The following PAM variants were observed in gnomAD, a reference collection of about 807,000 sequenced individuals.
PAM encodes the protein peptidyl-glycine alpha-amidating monooxygenase.
In PAM, 72 loss-of-function variants were observed where a neutral mutation model predicts 122.1. The ratio of observed to expected loss-of-function variants is 0.59; its 90% CI spans 0.49 to 0.72. The LOEUF (loss-of-function observed/expected upper bound fraction) is 0.72. PAM is among the 30% of genes least tolerant of loss of function. The pLI is 0.00. For missense variants in PAM, 1,106 were observed against 1,183.7 expected, an observed-to-expected ratio of 0.93 and a Z score of 0.96; for synonymous variants, 389 against 404.4, an observed-to-expected ratio of 0.96 and a Z score of 0.46.
At chr5:102,787,150 A>G (rs1476634526) in intron 1 of PAM, among the ~76,000 whole-genome samples, 1 of 152,106 alleles carries the variant, frequency 6.6e-6, no homozygotes, top group Non-Finnish European at 1.5e-5. Context: ...TTAGCATTTT[A>G]TTTATCCTCC....
chr5:102,769,541 A>G (rs566211363), intron 1 of PAM, among the ~76,000 whole-genome samples: 3 of 152,084 alleles, frequency 2.0e-5, no homozygotes, highest in Non-Finnish European at 4.4e-5. Context: ...ATGGTAAGAG[A>G]TACGGGTCTA....
intron 1 of PAM, among the ~76,000 whole-genome samples, chr5:102,820,517 T>C (rs947001141): frequency 6.6e-6 from 1 of 152,280 alleles, no homozygotes; most frequent in Admixed American, 6.5e-5. Context: ...TAGAAAAAGA[T>C]ACATTTAAGA....
At position 102,974,111 on chromosome 5, in the gene PAM, C is replaced by T. The variant is rs528682718; in HGVS notation, c.1163-5C>T. The T allele has an allele frequency of 2.2e-4, 352 of 1,601,384 alleles. 4 individuals are homozygous for T. In the South Asian group the frequency reaches 3.8e-3, roughly 17 times the overall value. ...ACGCCCTTATCTCTTCTCTTTTTTC[C>T]ACAGGTGATTTCTATTCACTACTTT... On this transcript the variant is annotated splice_polypyrimidine_tract_variant and splice_region_variant and intron_variant, in intron 14 of 25. Transcript: ENST00000438793.
At chr5:102,994,162 C>T (rs1454795326) in intron 16 of PAM, among the ~76,000 whole-genome samples, 1 of 152,108 alleles carries the variant, frequency 6.6e-6, no homozygotes, top group African/African-American at 2.4e-5. Flanking sequence ...ATCTCTTCTA[C>T]AGCAACTTCA....
chr5:103,009,899 C>A, intron 21 of PAM, 33 bp downstream of exon 21: 1 of 1,136,502 alleles, frequency 8.8e-7, no homozygotes, highest in South Asian at 1.5e-5. Context: ...TTTCAATTTT[C>A]ATGAGAAGAA....
At chr5:102,836,188 G>A (rs73189059) in intron 1 of PAM, among the ~76,000 whole-genome samples, 2,203 of 152,220 alleles carry the variant, frequency 0.014, 43 homozygotes, top group African/African-American at 0.051. Flanking sequence ...AAATATGACT[G>A]TTGAAATGAT....
At chr5:102,756,973 T>C (rs1750584990) in intron 1 of PAM, among the ~76,000 whole-genome samples, 1 of 152,194 alleles carries the variant, frequency 6.6e-6, no homozygotes. Flanking sequence ...ATGAACAGTC[T>C]TCTAATGACT....
rs574829867 is a variant in PAM at position 103,024,474 on chromosome 5, T to C, written c.2486-657T>C. Among the ~76,000 whole-genome samples, 232 of 152,276 alleles carry C rather than the reference T, an allele frequency of 1.5e-3. 1 individual carries two copies. The highest frequency in any genetic ancestry group is 2.4e-3 in the Non-Finnish European group (161 of 68,000). ...TACTCACATTTTGCTGAAAACAATA[T>C]AAAAGAGCCTGAAAAGCACATAGTT... On this transcript the variant is annotated intron_variant, in intron 23 of 25. Coordinates refer to ENST00000438793, the MANE Select transcript of PAM (RefSeq NM_001177306.2).
At position 103,025,314 on chromosome 5, in the gene PAM, A is replaced by G. The variant is rs765285558; in HGVS notation, c.2669A>G (p.Lys890Arg). 1.9e-6 allele frequency: 3 copies of G among 1,613,526 alleles called. No individual in the cohort carries two copies. The highest frequency in any genetic ancestry group is 2.7e-5 in the African/African-American group (2 of 74,878). ...GCCATTGCCATATTTATTCGGTGGA[A>G]AAAATCAAGGGCCTTTGGAGGCAAG... The part of the protein sequence containing the change: ...LLAIAIFIRW[K>R]KSRAFGDSEH... Residue 890 changes from lysine to arginine, a missense_variant, in exon 24 of 26, where the codon AAA becomes AGA. Physicochemically the swap from Lys to Arg is conservative, Grantham distance 26. Around this residue, in one of 3 missense-constraint regions of PAM, gnomAD observed 333 missense variants for 335.6 expected, o/e 0.99. Coordinates refer to ENST00000438793, the MANE Select transcript of PAM (RefSeq NM_001177306.2).
intron 5 of PAM, among the ~76,000 whole-genome samples, chr5:102,921,071 A>G (rs1030725919): frequency 1.2e-4 from 18 of 152,144 alleles, no homozygotes; most frequent in African/African-American, 4.3e-4. Context: ...TTTATTTTCA[A>G]ATGTTAATTC....
intron 1 of PAM, among the ~76,000 whole-genome samples, chr5:102,853,652 C>CAAT: frequency 6.6e-6 from 1 of 152,170 alleles, no homozygotes; most frequent in Admixed American, 6.5e-5. Context: ...GAGCATTTAT[C>CAAT]AATACCATCT....
chr5:102,876,788 C>CAT, intron 3 of PAM, among the ~76,000 whole-genome samples: 1 of 152,350 alleles, frequency 6.6e-6, no homozygotes, highest in East Asian at 1.9e-4. Flanking sequence ...TCCATCCCGT[C>CAT]ACAGAGACTG....
chr5:102,756,806 C>T (rs770330582), intron 1 of PAM, among the ~76,000 whole-genome samples: 7 of 152,068 alleles, frequency 4.6e-5, no homozygotes, highest in Non-Finnish European at 7.4e-5. Context: ...AAATGGTAAG[C>T]CCTGTCGTTC....
intron 3 of PAM, among the ~76,000 whole-genome samples, chr5:102,888,175 T>G (rs1433152599): frequency 3.3e-5 from 5 of 152,178 alleles, no homozygotes; most frequent in African/African-American, 1.2e-4. Context: ...TCAATATGTA[T>G]TTCAGGGATA....
Position 102,949,556 on chromosome 5 carries a change from A to C in PAM, c.663A>C (p.Ser221=). ...AGEKVVNSDI[S]CHYKNYPMHV... ...CCACAGTGGTGAATTCTGACATTTC[A>C]TGCCATTATAAAAATTATCCAATGC... Residue 221 remains serine, a synonymous_variant, in exon 10 of 26, where the codon TCA becomes TCC. Transcript: ENST00000438793. 3 of 1,539,718 alleles carry C rather than the reference A, an allele frequency of 1.9e-6. No homozygotes were observed. The highest frequency in any genetic ancestry group is 2.7e-6 in the Non-Finnish European group (3 of 1,112,324).
At chr5:102,968,104 T>TA (rs1216513056) in intron 14 of PAM, among the ~76,000 whole-genome samples, 2 of 152,180 alleles carry the variant, frequency 1.3e-5, no homozygotes. Context: ...TTTCTTGTGT[T>TA]ACGATATGGA....
intron 1 of PAM, chr5:102,755,571 G>A: frequency 6.6e-6 from 1 of 152,340 alleles, no homozygotes; most frequent in Non-Finnish European, 1.5e-5. Context: ...AGCTATTCTC[G>A]CATTTCCCAA....
chr5:102,844,185 G>A (rs1020680634), intron 1 of PAM, among the ~76,000 whole-genome samples: 1 of 151,480 alleles, frequency 6.6e-6, no homozygotes, highest in Non-Finnish European at 1.5e-5. Context: ...ATGATGCAGA[G>A]TGCAAAAAGC....
At chr5:102,916,766 T>C (rs185822602) in intron 5 of PAM, among the ~76,000 whole-genome samples, 5 of 149,548 alleles carry the variant, frequency 3.3e-5, no homozygotes, top group Admixed American at 2.0e-4. Flanking sequence ...TGAGTCTCAC[T>C]CAGTCACCCA....
Sources: gnomAD v4.1 joint callset for allele counts (sites outside exome capture counted in the v4.1 genomes callset) on GRCh38, gnomAD v4.1.1 for gene constraint, gnomAD v4.1.1 regional missense constraint, MANE v1.5 for transcripts, NCBI Gene and HGNC (gene_info 2026-07-23, HGNC 2026-07-21) for gene names.